Variants in PRRC2B observed in about 807,000 individuals in gnomAD.
PRRC2B encodes the protein protein PRRC2B.
Under a neutral mutation model 242.3 loss-of-function variants are expected in PRRC2B, and 68 were observed. The ratio of observed to expected loss-of-function variants is 0.28; its 90% CI spans 0.23 to 0.34. The LOEUF is 0.34. Among genes scored for constraint, PRRC2B ranks in the 10% least tolerant of loss-of-function variants. The pLI is 1.00. For missense variants in PRRC2B, 2,835 were observed against 2,954.8 expected (o/e 0.96, Z 0.94); for synonymous variants, 1,228 against 1,173.6 (o/e 1.05, Z -0.95).
intron 22 of PRRC2B, 144 bp from the exon 23 acceptor site, chr9:131,483,215 C>T: frequency 1.3e-6 from 1 of 799,434 alleles, no homozygotes; most frequent in Non-Finnish European, 2.0e-6. Context: ...GAAAATCTGG[C>T]CATCTCGCTC....
In PRRC2B at chr9:131,496,036, C is replaced by T. The variant is rs1944325909; in HGVS notation, c.*162C>T. The T allele has an allele frequency of 2.1e-6, 2 of 958,064 alleles. No individual in the cohort carries two copies. Among genetic ancestry groups the T allele is most frequent in the South Asian group, 3.4e-5 (2 of 58,406 alleles). 59.3% of individuals were successfully genotyped at this position (958,064 alleles called of 1,614,324 possible). ...CACTCCCGAAAGCTCCGTTGTCAAC[C>T]AGCTTGCACCCGTGGATATATGGCA... On this transcript the variant is annotated 3_prime_UTR_variant, in exon 32 of 32. Transcript: ENST00000683519.
At chr9:131,422,960 C>T (rs1376942299) in intron 1 of PRRC2B, among the ~76,000 whole-genome samples, 2 of 152,164 alleles carry the variant, frequency 1.3e-5, no homozygotes, top group Admixed American at 1.3e-4. Flanking sequence ...TCAGAATGCT[C>T]TAGCTCCCCG....
At chr9:131,441,601 G>C (rs1239552549) in intron 5 of PRRC2B, among the ~76,000 whole-genome samples, 1 of 152,210 alleles carries the variant, frequency 6.6e-6, no homozygotes, top group Non-Finnish European at 1.5e-5. Flanking sequence ...ACACTGGGCA[G>C]GGTGGGGGCC....
chr9:131,486,277 C>A, intron 26 of PRRC2B, 95 bp downstream of exon 26: 1 of 956,834 alleles, frequency 1.0e-6, no homozygotes, highest in Non-Finnish European at 1.6e-6. Flanking sequence ...CATTGTCTGT[C>A]TGGTTTTCCA....
intron 12 of PRRC2B, among the ~76,000 whole-genome samples, chr9:131,467,333 TA>T (rs1021593390): frequency 3.9e-5 from 6 of 152,168 alleles, no homozygotes; most frequent in African/African-American, 1.4e-4. Flanking sequence ...TCTTGACCCT[TA>T]GTGTCCTAGT....
chr9:131,488,190 T>A, intron 28 of PRRC2B, 94 bp downstream of exon 28: 1 of 1,472,242 alleles, frequency 6.8e-7, no homozygotes, highest in East Asian at 2.4e-5. Context: ...TGTGCTGGCC[T>A]ATCGTGCTGT....
rs1315744900 is a variant in PRRC2B, at chr9:131,487,518, T to C, written c.5984+224T>C. ...TGGTGGGCCGTGTTTTGCTTTTCCA[T>C]GTCATCTTGCCTCCTTTCCTTGCTC... is the stretch of plus-strand genomic sequence containing the variant. On this transcript the variant is annotated intron_variant, in intron 27 of 31. Transcript: ENST00000683519. The surrounding 1 kb of genome is among the most constrained non-coding windows in gnomAD (Gnocchi z 5.3). Among the ~76,000 whole-genome samples, 1 of 152,184 alleles carries C rather than the reference T, an allele frequency of 6.6e-6. No individual in the cohort carries two copies. Among genetic ancestry groups the C allele is most frequent in the African/African-American group, 2.4e-5 (1 of 41,420 alleles).
At chr9:131,451,243 C>A (rs1005345219) in intron 9 of PRRC2B, among the ~76,000 whole-genome samples, 6 of 151,966 alleles carry the variant, frequency 3.9e-5, no homozygotes, top group Non-Finnish European at 8.8e-5. Flanking sequence ...GCTAAAAATA[C>A]AAAAAATTAG....
At chr9:131,447,014 A>C (rs1838824295) in intron 7 of PRRC2B, 71 bp from the exon 8 acceptor site, 1 of 1,594,278 alleles carries the variant, frequency 6.3e-7, no homozygotes, top group African/African-American at 1.3e-5. Context: ...TATAAAACAC[A>C]TTCTGATTTA....
chr9:131,475,990 C>A lies in PRRC2B; in HGVS notation c.3861C>A (p.His1287Gln). 1 of 1,607,928 alleles carries A rather than the reference C, an allele frequency of 6.2e-7. No homozygotes were observed. Reference sequence around the variant, plus strand: ...AGAGATCCTTCTTCCAAGATGAACACGTGGCAGATTCTGAAAATGCAGAGA... The same window carrying A: ...AGAGATCCTTCTTCCAAGATGAACAAGTGGCAGATTCTGAAAATGCAGAGA... ...EDKRSFFQDEHVADSENAENR... is the reference protein window; with the variant it reads ...EDKRSFFQDEQVADSENAENR... Residue 1287 changes from histidine to glutamine, a missense_variant, in exon 16 of 32, where the codon CAC becomes CAA. This residue lies in a region of PRRC2B where 1,536 missense variants were observed against 1,483.1 expected (regional missense o/e 1.04). Transcript: ENST00000683519.
chr9:131,399,759 CT>C (rs1187110852), intron 1 of PRRC2B, among the ~76,000 whole-genome samples: 1 of 152,178 alleles, frequency 6.6e-6, no homozygotes, highest in African/African-American at 2.4e-5. Flanking sequence ...TGATAGCTTG[CT>C]TTTCCCCTTT....
intron 1 of PRRC2B, among the ~76,000 whole-genome samples, chr9:131,384,281 T>C (rs1275910010): frequency 1.3e-5 from 2 of 149,618 alleles, no homozygotes; most frequent in East Asian, 4.0e-4. Context: ...TATGTATGTA[T>C]GTATGTATGT....
chr9:131,418,825 T>C (rs1208006159), intron 1 of PRRC2B, among the ~76,000 whole-genome samples: 1 of 152,222 alleles, frequency 6.6e-6, no homozygotes, highest in Non-Finnish European at 1.5e-5. Context: ...CACAGTGTTT[T>C]ATGACCCTTA....
rs533299279 is a variant in PRRC2B, at chr9:131,475,144, C to T, written c.3015C>T (p.Asp1005=). Residue 1005 remains aspartate, a synonymous_variant, in exon 16 of 32, where the codon GAC becomes GAT. Transcript: ENST00000683519. ...ACTCCTCCACCACCACTTTGGAGGACAAAGGCCCTGGCCATGCCACTTTTG... is the reference window on the plus strand; with the variant it reads ...ACTCCTCCACCACCACTTTGGAGGATAAAGGCCCTGGCCATGCCACTTTTG... The part of the protein sequence containing the change: ...LANSSTTTLE[D]KGPGHATFGR... 106 of 1,612,938 alleles carry T rather than the reference C, an allele frequency of 6.6e-5. No homozygotes were observed. In the South Asian group the frequency reaches 1.0e-3, roughly 16 times the overall value.
intron 1 of PRRC2B, among the ~76,000 whole-genome samples, chr9:131,415,562 C>G (rs1196393153): frequency 6.6e-6 from 1 of 152,116 alleles, no homozygotes; most frequent in East Asian, 1.9e-4. Flanking sequence ...TGTAAAAATC[C>G]TATTTTGAGT....
At chr9:131,456,768 T>C (rs957638631) in intron 10 of PRRC2B, among the ~76,000 whole-genome samples, 1 of 152,184 alleles carries the variant, frequency 6.6e-6, no homozygotes, top group African/African-American at 2.4e-5. Context: ...ATTGCACCAC[T>C]GCACTCCAGC....
chr9:131,446,482 G>A lies in PRRC2B; in HGVS notation c.695G>A (p.Ser232Asn), dbSNP rs1278920798. ...AGCACCTCCCCAACTGAGCTGGGCAGCAGGAACTCGAGTACGGGAGATGGA... is the reference window on the plus strand; with the variant it reads ...AGCACCTCCCCAACTGAGCTGGGCAACAGGAACTCGAGTACGGGAGATGGA... Reference protein sequence around the residue: ...SLSTSPTELGSRNSSTGDGAP... With the variant: ...SLSTSPTELGNRNSSTGDGAP... Residue 232 changes from serine (S) to asparagine (N), a missense_variant, in exon 7 of 32, where the codon AGC (serine) becomes AAC (asparagine). Physicochemically the swap from Ser to Asn is conservative, Grantham distance 46. Around this residue, in one of 7 missense-constraint regions of PRRC2B, gnomAD observed 626 missense variants for 685.5 expected, o/e 0.91. Transcript: ENST00000683519. The surrounding 1 kb of genome is among the most constrained non-coding windows in gnomAD (Gnocchi z 4.1). The A allele has an allele frequency of 1.9e-6, 3 of 1,613,768 alleles. No homozygotes were observed. The highest frequency in any genetic ancestry group is 2.5e-6 in the Non-Finnish European group (3 of 1,179,894).
Position 131,489,297 on chromosome 9 carries a change from G to A in PRRC2B, c.6225+1201G>A, listed in dbSNP as rs543914762. Among the ~76,000 whole-genome samples, 18 of 149,808 alleles carry A rather than the reference G, an allele frequency of 1.2e-4. No individual in the cohort carries two copies. The South Asian group carries it at 3.6e-3, about 30-fold the overall frequency. Reference sequence around the variant, plus strand: ...TGTCTCCTGGGTTCAAGCAATTATCGTGCCTCAGCCTCCCGAGTAGCTGGG... The same window carrying A: ...TGTCTCCTGGGTTCAAGCAATTATCATGCCTCAGCCTCCCGAGTAGCTGGG... On this transcript the variant is annotated intron_variant, in intron 28 of 31. Coordinates refer to ENST00000683519, the MANE Select transcript of PRRC2B (RefSeq NM_013318.4).
intron 19 of PRRC2B, among the ~76,000 whole-genome samples, 170 bp from the exon 20 acceptor site, chr9:131,481,556 G>A (rs748678862): frequency 4.0e-5 from 6 of 151,726 alleles, no homozygotes; most frequent in Non-Finnish European, 2.9e-5. Flanking sequence ...GCTCTTCCAC[G>A]TCAGAGCCGT....
Sources: allele counts gnomAD v4.1 joint callset (sites outside exome capture counted in the v4.1 genomes callset), GRCh38; gene constraint gnomAD v4.1.1; regional missense constraint gnomAD v4.1.1; non-coding constraint Gnocchi (gnomAD v3.1); transcripts MANE v1.5; gene names NCBI Gene and HGNC (gene_info 2026-07-23, HGNC 2026-07-21).